The following FOLH1 variants were observed in gnomAD, a reference collection of about 807,000 sequenced individuals.
FOLH1 encodes the protein glutamate carboxypeptidase 2.
A neutral mutation model predicts 93.9 loss-of-function variants in FOLH1; 54 were observed. That is an observed-to-expected ratio of 0.57 (90% confidence interval 0.46 to 0.72). FOLH1 has a LOEUF of 0.72. Ranked by LOEUF, FOLH1 falls within the 30% of genes least tolerant of loss-of-function variation. The pLI is 0.00. For synonymous variants in FOLH1, 249 were observed against 303.6 expected (o/e 0.82, Z 1.87); for missense variants, 571 against 892.5 (o/e 0.64, Z 4.59).
chr11:49,163,725 C>T (rs1858033068), intron 13 of FOLH1, among the ~76,000 whole-genome samples: 1 of 151,888 alleles, frequency 6.6e-6, no homozygotes, highest in South Asian at 2.1e-4. Context: ...GCCATGAAGC[C>T]TGGAAAGCTG....
chr11:49,187,289 C>T (rs1046974307), intron 4 of FOLH1, among the ~76,000 whole-genome samples: 2 of 152,074 alleles, frequency 1.3e-5, no homozygotes, highest in Non-Finnish European at 2.9e-5. Flanking sequence ...ATTTGAGTCT[C>T]GATATTCTCA....
chr11:49,208,576 A>G lies in FOLH1; in HGVS notation c.-167T>C. Reference sequence around the variant, plus strand: ...TCCAGACCTGGGGTCCAGTTTCTCCACCACAGCAGTGTTTCTAGAGTGCAC... The same window carrying G: ...TCCAGACCTGGGGTCCAGTTTCTCCGCCACAGCAGTGTTTCTAGAGTGCAC... On this transcript the variant is annotated 5_prime_UTR_variant, in exon 1 of 19. Coordinates refer to ENST00000256999, the MANE Select transcript of FOLH1 (RefSeq NM_004476.3). 1.9e-6 allele frequency: 1 copy of G among 519,868 alleles called. No homozygotes were observed. 32.2% of individuals were successfully genotyped at this position (519,868 alleles called of 1,614,324 possible).
intron 4 of FOLH1, among the ~76,000 whole-genome samples, chr11:49,191,985 C>T (rs1862105431): frequency 6.6e-6 from 1 of 152,358 alleles, no homozygotes; most frequent in South Asian, 2.1e-4. Context: ...TATACACAGT[C>T]TTTTCACTGC....
At position 49,169,103 on chromosome 11, in the gene FOLH1, T is replaced by C. The variant is rs1858861068; in HGVS notation, c.1372+92A>G. On this transcript the variant is annotated intron_variant, in intron 12 of 18. Transcript: ENST00000256999. ...AGTAGATTCCCTAACCACACATTAA[T>C]GCATAGCCTTCCTTGTTAGTGCATA... The C allele has an allele frequency of 2.1e-6, 3 of 1,423,024 alleles. No homozygotes were observed. In the East Asian group the frequency reaches 6.9e-5, roughly 33 times the overall value. 88.1% of individuals were successfully genotyped at this position (1,423,024 alleles called of 1,614,324 possible). A position where few individuals can be genotyped will look rare whatever the true frequency, so the allele number is the denominator to read the frequency against.
Position 49,173,484 on chromosome 11 carries a change from G to T in FOLH1, c.1106-8C>A. ...CCAGAATGACATATCTGTCTAGAAAGCATAGATACAAGATTATTTGTCATT... is the reference window on the plus strand; with the variant it reads ...CCAGAATGACATATCTGTCTAGAAATCATAGATACAAGATTATTTGTCATT... On this transcript the variant is annotated splice_polypyrimidine_tract_variant and splice_region_variant and intron_variant, in intron 9 of 18. Transcript: ENST00000256999. 2 of 1,543,144 alleles carry T rather than the reference G, an allele frequency of 1.3e-6. No homozygotes were observed. The highest frequency in any genetic ancestry group is 2.3e-5 in the South Asian group (2 of 85,612).
chr11:49,167,907 AAC>A lies in FOLH1; in HGVS notation c.1372+1286_1372+1287del, dbSNP rs1491070257. On this transcript the variant is annotated intron_variant, in intron 12 of 18. Transcript: ENST00000256999. The stretch of plus-strand genomic sequence containing the variant: ...AACAGAAAAAGAACAGAAACAAAAA[AAC>A]ACACACAAAAAAACCAGAAAAAGAA... Among the ~76,000 whole-genome samples the A allele has an allele frequency of 2.1e-3, 211 of 101,674 alleles. 1 individual carries two copies. The highest frequency in any genetic ancestry group is 7.8e-3 in the African/African-American group (200 of 25,746). 66.7% of individuals were successfully genotyped at this position (101,674 alleles called of 152,430 possible).
At chr11:49,186,149 A>G (rs1861345005) in intron 5 of FOLH1, 4 of 347,442 alleles carry the variant, frequency 1.2e-5, no homozygotes, top group African/African-American at 2.1e-5. Context: ...CCACAGGCCA[A>G]ATTCCTATTT....
chr11:49,196,777 T>C (rs2052414361), intron 3 of FOLH1, among the ~76,000 whole-genome samples: 2 of 152,144 alleles, frequency 1.3e-5, no homozygotes, highest in Non-Finnish European at 2.9e-5. Flanking sequence ...GTAAATACCA[T>C]AATTAATGGT....
rs754163774 is a variant in FOLH1 at position 49,154,232 on chromosome 11, T to G, written c.1884A>C (p.Ser628=). 1.2e-5 allele frequency: 19 copies of G among 1,613,166 alleles called. No individual in the cohort carries two copies. The East Asian group carries it at 4.2e-4, about 36-fold the overall frequency. The change falls in exon 16 of 19, where the codon TCA becomes TCC. Residue 628 remains serine, a synonymous_variant. Coordinates refer to ENST00000256999, the MANE Select transcript of FOLH1 (RefSeq NM_004476.3). ...GAAAAAGGAAGGGTAACATACCAAA[T>G]GATACACTGTATGTCTTCATTTCCT... ...HPQEMKTYSV[S]FDSLFSAVKN...
chr11:49,194,118 T>C (rs1479818574), intron 3 of FOLH1, among the ~76,000 whole-genome samples: 2 of 114,446 alleles, frequency 1.7e-5, no homozygotes, highest in African/African-American at 3.6e-5. Context: ...GCCACTGCAC[T>C]CCAGCCTGGG....
At chr11:49,177,338 G>A (rs1393425687) in intron 7 of FOLH1, among the ~76,000 whole-genome samples, 8 of 151,966 alleles carry the variant, frequency 5.3e-5, no homozygotes, top group African/African-American at 1.2e-4. Context: ...AACATGAAGA[G>A]GCATTTTACA....
intron 13 of FOLH1, among the ~76,000 whole-genome samples, chr11:49,161,742 TTTTTGTC>T: frequency 6.6e-6 from 1 of 150,516 alleles, no homozygotes; most frequent in African/African-American, 2.5e-5. Context: ...CTTCAGTGTG[TTTTTGTC>T]GTGGATGGTG....
chr11:49,189,318 G>T (rs1160406915), intron 4 of FOLH1, among the ~76,000 whole-genome samples: 1 of 152,024 alleles, frequency 6.6e-6, no homozygotes, highest in Non-Finnish European at 1.5e-5. Context: ...ATTTTATTTT[G>T]GTTATTGTTT....
At chr11:49,168,055 T>G (rs866610271) in intron 12 of FOLH1, among the ~76,000 whole-genome samples, 4,402 of 151,388 alleles carry the variant, frequency 0.029, 88 homozygotes, top group African/African-American at 0.036. Flanking sequence ...TTTTTTTTTT[T>G]TTTTGCAACC....
chr11:49,175,036 T>A (rs1218732582), intron 8 of FOLH1, 59 bp from the exon 9 acceptor site: 11 of 1,482,640 alleles, frequency 7.4e-6, no homozygotes, highest in Non-Finnish European at 1.0e-5. Context: ...ATTAACACTA[T>A]AAGGTTTAAG....
intron 4 of FOLH1, among the ~76,000 whole-genome samples, chr11:49,189,446 T>C (rs1861783148): frequency 1.3e-5 from 2 of 152,208 alleles, no homozygotes; most frequent in Admixed American, 6.5e-5. Flanking sequence ...AGATCTATTA[T>C]GTGTTAGGCA....
At chr11:49,158,655 A>C (rs1442725576) in intron 13 of FOLH1, among the ~76,000 whole-genome samples, 3 of 152,138 alleles carry the variant, frequency 2.0e-5, no homozygotes, top group Non-Finnish European at 2.9e-5. Context: ...CAGATTTTTC[A>C]AATTCTGTGA....
At position 49,183,260 on chromosome 11, in the gene FOLH1, CA is replaced by C. The variant is rs1860995969; in HGVS notation, c.827-19del. 1 of 1,589,036 alleles carries C rather than the reference CA, an allele frequency of 6.3e-7. No homozygotes were observed. The highest frequency in any genetic ancestry group is 1.2e-5 in the South Asian group (1 of 86,606). Reference sequence around the variant, plus strand: ...AGCATATTCTGAAAAAAAAAATTGCCATATTTCCAGTAAAAACTCAGTTTCA... The same window carrying C: ...AGCATATTCTGAAAAAAAAAATTGCCTATTTCCAGTAAAAACTCAGTTTCA... On this transcript the variant is annotated intron_variant, in intron 6 of 18. Coordinates refer to ENST00000256999, the MANE Select transcript of FOLH1 (RefSeq NM_004476.3).
At chr11:49,164,679 T>A (rs750139412) in intron 13 of FOLH1, 26 bp downstream of exon 13, 1 of 1,525,816 alleles carries the variant, frequency 6.6e-7, no homozygotes, top group African/African-American at 1.4e-5. Flanking sequence ...AATTTGGGTT[T>A]TCTTAAATTA....
Sources: gnomAD v4.1 joint callset for allele counts (sites outside exome capture counted in the v4.1 genomes callset) on GRCh38, gnomAD v4.1.1 for gene constraint, MANE v1.5 for transcripts, NCBI Gene and HGNC (gene_info 2026-07-23, HGNC 2026-07-21) for gene names.